Variants in CHODL observed in about 807,000 individuals in gnomAD.
CHODL encodes the protein chondrolectin, also known as transmembrane protein MT75.
In CHODL, 29 loss-of-function variants were observed where a neutral mutation model predicts 34.5. The observed-to-expected ratio is 0.84, with a 90% CI of 0.63 to 1.15. The LOEUF (loss-of-function observed/expected upper bound fraction) is 1.15. Among genes scored for constraint, CHODL ranks in the 50% most tolerant of loss-of-function variants. CHODL has a pLI of 0.00. For missense variants in CHODL, 332 were observed against 332.5 expected (o/e 1.00, Z 0.01); for synonymous variants, 125 against 116.1 (o/e 1.08, Z -0.49).
chr21:18,149,402 G>A (rs1167560446), intron 2 of CHODL, among the ~76,000 whole-genome samples: 4 of 152,172 alleles, frequency 2.6e-5, no homozygotes, highest in Non-Finnish European at 5.9e-5. Context: ...GGCAATGGAT[G>A]TCATAGAGTC....
rs1311304995 is a variant in CHODL at position 18,237,326 on chromosome 21, T to A, written c.-44-19183T>A. 2.0e-5 allele frequency among the ~76,000 whole-genome samples: 3 copies of A among 152,170 alleles called. No homozygotes were observed. The East Asian group carries it at 5.8e-4, about 29-fold the overall frequency. ...ATCTCCACTCTCAGAAGAAATTACG[T>A]ATAGCGAAAGTAAGGGCTACTCAGT... is the stretch of plus-strand genomic sequence containing the variant. On this transcript the variant is annotated intron_variant, in intron 2 of 6. Transcript: ENST00000400127.
chr21:18,030,043 C>G (rs1347058289), intron 2 of CHODL, among the ~76,000 whole-genome samples: 1 of 152,042 alleles, frequency 6.6e-6, no homozygotes, highest in African/African-American at 2.4e-5. Flanking sequence ...CTAACATAGC[C>G]CCCAGTGATC....
At chr21:18,013,424 C>G (rs2064037902) in intron 1 of CHODL, among the ~76,000 whole-genome samples, 1 of 129,316 alleles carries the variant, frequency 7.7e-6, no homozygotes, top group African/African-American at 3.0e-5. Context: ...ATCCCTGTAA[C>G]TGCTTCAACT....
intron 2 of CHODL, among the ~76,000 whole-genome samples, chr21:18,181,283 G>A (rs2073378192): frequency 6.6e-6 from 1 of 152,160 alleles, no homozygotes; most frequent in South Asian, 2.1e-4. Flanking sequence ...TCACCCATTT[G>A]AAGTATATAA....
rs115351803 is a variant in CHODL, at chr21:18,027,168, G to A, written c.-144-704G>A. 9.7e-3 allele frequency among the ~76,000 whole-genome samples: 1,471 copies of A among 152,162 alleles called. 17 individuals are homozygous for A. The highest frequency in any genetic ancestry group is 0.032 in the African/African-American group (1,309 of 41,518). ...ACATGCCTCTCATTCTAGCTACTTG[G>A]GAGGCTGAGGTGGAAGGATCACTTA... is the stretch of plus-strand genomic sequence containing the variant. On this transcript the variant is annotated intron_variant, in intron 1 of 6. Transcript: ENST00000400127.
chr21:17,928,537 G>A (rs115232857), intron 1 of CHODL, among the ~76,000 whole-genome samples: 9 of 152,286 alleles, frequency 5.9e-5, no homozygotes, highest in East Asian at 5.8e-4. Context: ...AGCATGGTAC[G>A]TTTTAGAAAA....
intron 2 of CHODL, among the ~76,000 whole-genome samples, chr21:18,195,039 A>T (rs148541103): frequency 1.3e-5 from 2 of 150,308 alleles, no homozygotes; most frequent in African/African-American, 2.4e-5. Context: ...TTATTTATTT[A>T]TTTATTTATT....
At chr21:18,071,301 C>T (rs1159169505) in intron 2 of CHODL, among the ~76,000 whole-genome samples, 1 of 151,876 alleles carries the variant, frequency 6.6e-6, no homozygotes, top group Non-Finnish European at 1.5e-5. Context: ...TGCATGCCAC[C>T]ACACCTGGCT....
At chr21:18,251,581 TA>T (rs1475041689) in intron 1 of CHODL, among the ~76,000 whole-genome samples, 2 of 86,502 alleles carry the variant, frequency 2.3e-5, no homozygotes, top group Non-Finnish European at 4.5e-5. Flanking sequence ...TTTTAATATA[TA>T]AAATATTTAT....
chr21:18,248,939 T>G (rs1171228630), intron 1 of CHODL, among the ~76,000 whole-genome samples: 1 of 109,410 alleles, frequency 9.1e-6, no homozygotes, highest in African/African-American at 4.6e-5. Context: ...ACATATATAT[T>G]ATGTATACAT....
intron 1 of CHODL, among the ~76,000 whole-genome samples, chr21:17,986,597 C>T (rs533957916): frequency 6.2e-4 from 94 of 152,314 alleles, no homozygotes; most frequent in Non-Finnish European, 1.2e-3. Context: ...CAAGTCTTTG[C>T]TATTGTGAAT....
chr21:18,220,999 T>G (rs1359294245), intron 2 of CHODL, among the ~76,000 whole-genome samples: 1 of 152,146 alleles, frequency 6.6e-6, no homozygotes, highest in Non-Finnish European at 1.5e-5. Context: ...CTTTTTTCCA[T>G]CATTTCTCCT....
At chr21:18,179,723 T>C (rs1282998091) in intron 2 of CHODL, among the ~76,000 whole-genome samples, 2 of 152,190 alleles carry the variant, frequency 1.3e-5, no homozygotes, top group East Asian at 1.9e-4. Flanking sequence ...ATGTAAACTC[T>C]TTACACAAGC....
intron 1 of CHODL, among the ~76,000 whole-genome samples, chr21:17,952,251 A>C (rs1322404649): frequency 6.6e-6 from 1 of 151,430 alleles, no homozygotes; most frequent in Non-Finnish European, 1.5e-5. Flanking sequence ...GATGACCAAC[A>C]CAGCAAGATA....
chr21:18,017,386 C>A (rs1468545641), intron 1 of CHODL, among the ~76,000 whole-genome samples: 1 of 152,318 alleles, frequency 6.6e-6, no homozygotes, highest in South Asian at 2.1e-4. Context: ...GTAGCACTTC[C>A]TTTGCTCTTT....
chr21:18,265,849 G>C, intron 5 of CHODL, 105 bp from the exon 6 acceptor site: 1 of 805,058 alleles, frequency 1.2e-6, no homozygotes, highest in Non-Finnish European at 1.9e-6. Flanking sequence ...GCTGAGAGGG[G>C]GAGTCTTTCA....
At chr21:18,172,350 A>G (rs897182311) in intron 2 of CHODL, among the ~76,000 whole-genome samples, 1 of 152,212 alleles carries the variant, frequency 6.6e-6, no homozygotes, top group Admixed American at 6.5e-5. Context: ...GCAGCCAGAC[A>G]GGTCCAATAA....
chr21:18,151,020 T>G lies in CHODL; in HGVS notation c.-44-105489T>G, dbSNP rs571379085. On this transcript the variant is annotated intron_variant, in intron 2 of 6. Transcript: ENST00000400127. The stretch of plus-strand genomic sequence containing the variant: ...ATTGCTTGAACCTGGGAGATGGAGC[T>G]TGCAGTGAGCCGAGATCGCACCACT... Among the ~76,000 whole-genome samples the G allele has an allele frequency of 1.6e-4, 23 of 148,344 alleles. No individual in the cohort carries two copies. In the South Asian group the frequency reaches 1.9e-3, roughly 12 times the overall value.
chr21:18,237,517 C>A (rs1473787718), intron 2 of CHODL, among the ~76,000 whole-genome samples: 2 of 152,124 alleles, frequency 1.3e-5, no homozygotes, highest in Non-Finnish European at 2.9e-5. Context: ...CTTCTTTCAT[C>A]TCCTTTACAG....
Sources: gnomAD v4.1 joint callset for allele counts (sites outside exome capture counted in the v4.1 genomes callset) on GRCh38, gnomAD v4.1.1 for gene constraint, MANE v1.5 for transcripts, NCBI Gene and HGNC (gene_info 2026-07-23, HGNC 2026-07-21) for gene names.